Variants in SKAP1 observed in about 807,000 individuals in gnomAD.
SKAP1 encodes the protein src kinase associated phosphoprotein 1.
SKAP1 carries 44 observed loss-of-function variants against 58.5 expected under a neutral mutation model. That is an observed-to-expected ratio of 0.75 (90% confidence interval 0.59 to 0.97). SKAP1 has a LOEUF of 0.97. SKAP1 is among the 50% of genes least tolerant of loss of function. The pLI, the probability that SKAP1 is intolerant of heterozygous loss-of-function variation, is 0.00. For missense variants in SKAP1, 390 were observed against 435.2 expected, an observed-to-expected ratio of 0.90 and a Z score of 0.92; for synonymous variants, 127 against 149.7, an observed-to-expected ratio of 0.85 and a Z score of 1.11.
chr17:48,196,638 T>C (rs2143577302), intron 4 of SKAP1: 1 of 152,318 alleles, frequency 6.6e-6, no homozygotes, highest in East Asian at 1.9e-4. Flanking sequence ...CACTTATAAG[T>C]GAGAAAATGC....
At chr17:48,412,707 T>C (rs1457086874) in intron 1 of SKAP1, among the ~76,000 whole-genome samples, 2 of 152,190 alleles carry the variant, frequency 1.3e-5, no homozygotes, top group South Asian at 2.1e-4. Flanking sequence ...AACTGACAAA[T>C]ATCCTTACTA....
At chr17:48,287,322 A>G (rs1444022645) in intron 4 of SKAP1, among the ~76,000 whole-genome samples, 2 of 152,024 alleles carry the variant, frequency 1.3e-5, no homozygotes, top group African/African-American at 4.8e-5. Context: ...AATATATCTA[A>G]TAAGCAACCT....
intron 4 of SKAP1, among the ~76,000 whole-genome samples, chr17:48,296,625 T>C (rs2065977522): frequency 6.6e-6 from 1 of 152,134 alleles, no homozygotes; most frequent in Admixed American, 6.6e-5. Context: ...TTCAGTTAAG[T>C]GGTAAGTTTT....
intron 4 of SKAP1, among the ~76,000 whole-genome samples, chr17:48,214,082 C>T (rs1039946905): frequency 2.6e-5 from 4 of 152,160 alleles, no homozygotes; most frequent in African/African-American, 9.7e-5. Context: ...AAATAAAAAG[C>T]GTTTGATGTG....
At chr17:48,136,680 T>G (rs2063702994) in intron 12 of SKAP1, 1 of 151,502 alleles carries the variant, frequency 6.6e-6, no homozygotes, top group Non-Finnish European at 1.5e-5. Context: ...TGTTAATTTT[T>G]TTTTTTTTTT....
At chr17:48,412,383 T>G (rs545992992) in intron 1 of SKAP1, among the ~76,000 whole-genome samples, 20 of 152,296 alleles carry the variant, frequency 1.3e-4, no homozygotes, top group African/African-American at 4.8e-4. Context: ...ATATGTGTTT[T>G]GGAATCAGAA....
chr17:48,396,294 G>C (rs2067417052), intron 2 of SKAP1, among the ~76,000 whole-genome samples: 1 of 152,178 alleles, frequency 6.6e-6, no homozygotes, highest in Admixed American at 6.5e-5. Flanking sequence ...AGATGTGGAA[G>C]TAAAATCAGT....
chr17:48,340,291 A>G (rs974884054), intron 4 of SKAP1, among the ~76,000 whole-genome samples: 1 of 152,208 alleles, frequency 6.6e-6, no homozygotes, highest in Non-Finnish European at 1.5e-5. Context: ...CAGTTCATTA[A>G]GAGGGGGTCT....
In SKAP1 at chr17:48,345,936, A is replaced by G. The variant is rs1245397446; in HGVS notation, c.249T>C (p.Asp83=). ...CCTGATAATCTGACAAAAAGGGTGC[A>G]TCGGATGTGAGGGACAGGCCAAGAG... The part of the protein sequence containing the change: ...SGTLGLSLTS[D]APFLSDYQDE... Residue 83 remains aspartate (D), a synonymous_variant, in exon 4 of 13, where the codon GAT becomes GAC. Coordinates refer to ENST00000336915, the MANE Select transcript of SKAP1 (RefSeq NM_003726.4). 2.5e-6 allele frequency: 4 copies of G among 1,613,570 alleles called. No individual in the cohort carries two copies. Among genetic ancestry groups the G allele is most frequent in the African/African-American group, 1.3e-5 (1 of 74,900 alleles).
At chr17:48,278,089 A>G (rs2065722040) in intron 4 of SKAP1, among the ~76,000 whole-genome samples, 1 of 152,218 alleles carries the variant, frequency 6.6e-6, no homozygotes, top group Non-Finnish European at 1.5e-5. Context: ...ACATATTCCT[A>G]TTTATCCTTC....
intron 1 of SKAP1, among the ~76,000 whole-genome samples, chr17:48,424,185 A>G (rs1452276582): frequency 6.6e-6 from 1 of 151,138 alleles, no homozygotes; most frequent in African/African-American, 2.4e-5. Context: ...CTGTGTCCTC[A>G]CATAGTGGAA....
intron 4 of SKAP1, among the ~76,000 whole-genome samples, chr17:48,280,563 T>C (rs2065754260): frequency 6.6e-6 from 1 of 152,178 alleles, no homozygotes; most frequent in Admixed American, 6.5e-5. Context: ...TTTAATGAAT[T>C]TTGACAAATA....
chr17:48,201,890 G>A lies in SKAP1; in HGVS notation c.281-12390C>T, dbSNP rs371944898. 1.1e-4 allele frequency among the ~76,000 whole-genome samples: 16 copies of A among 152,356 alleles called. No individual in the cohort carries two copies. In the East Asian group the frequency reaches 2.9e-3, roughly 28 times the overall value. On this transcript the variant is annotated intron_variant, in intron 4 of 12. Coordinates refer to ENST00000336915, the MANE Select transcript of SKAP1 (RefSeq NM_003726.4). ...GCAACTTCTGAGCTATAGACTTTGA[G>A]TGGCTGAGAATTTGGTCACTGATAG...
At chr17:48,207,167 A>G (rs1421453737) in intron 4 of SKAP1, among the ~76,000 whole-genome samples, 1 of 152,096 alleles carries the variant, frequency 6.6e-6, no homozygotes, top group Non-Finnish European at 1.5e-5. Flanking sequence ...CCAGTGTAGA[A>G]TGAAGAGAAA....
chr17:48,290,920 C>T (rs1454797207), intron 4 of SKAP1, among the ~76,000 whole-genome samples: 2 of 152,082 alleles, frequency 1.3e-5, no homozygotes, highest in Non-Finnish European at 2.9e-5. Flanking sequence ...GCAGGAGGGT[C>T]GCTTGAGGCC....
At chr17:48,264,984 T>C (rs952736779) in intron 4 of SKAP1, among the ~76,000 whole-genome samples, 2 of 152,134 alleles carry the variant, frequency 1.3e-5, no homozygotes, top group Non-Finnish European at 1.5e-5. Context: ...ACAGGAACCT[T>C]GCTAAAAACA....
chr17:48,368,710 A>G (rs2067043000), intron 2 of SKAP1, among the ~76,000 whole-genome samples: 1 of 152,246 alleles, frequency 6.6e-6, no homozygotes, highest in South Asian at 2.1e-4. Context: ...TTGCAACCAT[A>G]TTGATGATGA....
the SKAP1 span, among the ~76,000 whole-genome samples, chr17:48,443,948 TAATA>T: frequency 3.9e-5 from 6 of 152,150 alleles, no homozygotes; most frequent in African/African-American, 1.2e-4. Context: ...TTATTTTTCA[TAATA>T]AATAAAATGT....
At chr17:48,275,748 T>TTGCTGC (rs894814514) in intron 4 of SKAP1, among the ~76,000 whole-genome samples, 1 of 152,130 alleles carries the variant, frequency 6.6e-6, no homozygotes, top group Non-Finnish European at 1.5e-5. Flanking sequence ...ATTGTTGTTG[T>TTGCTGC]TGCTGCTGCT....
Sources: gnomAD v4.1 joint callset for allele counts (sites outside exome capture counted in the v4.1 genomes callset) on GRCh38, gnomAD v4.1.1 for gene constraint, MANE v1.5 for transcripts, NCBI Gene and HGNC (gene_info 2026-07-23, HGNC 2026-07-21) for gene names.